The following HYCC2 variants were observed in gnomAD, a reference collection of about 807,000 sequenced individuals.
HYCC2 encodes the protein hyccin 2.
chr2:201,053,106 ACTAT>A, the HYCC2 span, among the ~76,000 whole-genome samples: 2 of 152,072 alleles, frequency 1.3e-5, no homozygotes, highest in African/African-American at 4.8e-5. Context: ...CAGATCCAGT[ACTAT>A]CTATTAAATC....
the HYCC2 span, among the ~76,000 whole-genome samples, chr2:201,048,992 G>A: frequency 5.9e-5 from 9 of 151,886 alleles, no homozygotes; most frequent in Non-Finnish European, 1.3e-4. Flanking sequence ...ACCAGGGTGT[G>A]GTGGTGTGTG....
chr2:201,063,032 T>C, the HYCC2 span: 4 of 1,595,294 alleles, frequency 2.5e-6, no homozygotes, highest in Non-Finnish European at 3.4e-6. Flanking sequence ...TCTTCTCCTT[T>C]CTGCCCGTGG....
At chr2:201,042,453 C>A in the HYCC2 span, among the ~76,000 whole-genome samples, 8 of 151,710 alleles carry the variant, frequency 5.3e-5, no homozygotes, top group Non-Finnish European at 1.0e-4. Flanking sequence ...TGCCCCACCG[C>A]CCCGTCTGAG....
At chr2:201,052,900 G>A in the HYCC2 span, among the ~76,000 whole-genome samples, 2 of 152,156 alleles carry the variant, frequency 1.3e-5, no homozygotes, top group African/African-American at 4.8e-5. Context: ...AACGAAAACT[G>A]ATCAGCACAC....
chr2:201,063,796 A>G, the HYCC2 span: 3 of 1,591,016 alleles, frequency 1.9e-6, no homozygotes, highest in South Asian at 3.3e-5. Flanking sequence ...GTGGTGGTGG[A>G]TATGATGGCA....
chr2:201,044,694 C>T, the HYCC2 span, among the ~76,000 whole-genome samples: 3 of 152,146 alleles, frequency 2.0e-5, no homozygotes, highest in African/African-American at 7.2e-5. Flanking sequence ...CATAAGTCTT[C>T]AATGGATGCT....
chr2:201,052,638 C>T, the HYCC2 span, among the ~76,000 whole-genome samples: 1 of 152,070 alleles, frequency 6.6e-6, no homozygotes, highest in Admixed American at 6.6e-5. Context: ...AAAGAAAGTA[C>T]ATGAAACACA....
the HYCC2 span, chr2:200,993,024 A>C: frequency 2.1e-6 from 3 of 1,421,914 alleles, no homozygotes; most frequent in East Asian, 6.8e-5. Context: ...ACACTATTTA[A>C]CATGTGATTT....
the HYCC2 span, among the ~76,000 whole-genome samples, chr2:201,051,911 A>G: frequency 6.6e-6 from 1 of 152,190 alleles, no homozygotes; most frequent in African/African-American, 2.4e-5. Flanking sequence ...GCCTAATACT[A>G]AGGAAGGAGA....
chr2:201,024,595 T>C, the HYCC2 span, among the ~76,000 whole-genome samples: 2 of 152,342 alleles, frequency 1.3e-5, no homozygotes, highest in African/African-American at 4.8e-5. Flanking sequence ...CAAAGACAAG[T>C]GTCCTGAGTA....
the HYCC2 span, among the ~76,000 whole-genome samples, chr2:201,032,073 G>A: frequency 3.3e-5 from 5 of 151,970 alleles, no homozygotes; most frequent in East Asian, 3.9e-4. Flanking sequence ...CAATTCTCCC[G>A]CCTCAGCCTC....
At chr2:201,065,840 G>A in the HYCC2 span, among the ~76,000 whole-genome samples, 1 of 152,136 alleles carries the variant, frequency 6.6e-6, no homozygotes, top group Non-Finnish European at 1.5e-5. Context: ...TAAAGGGAAA[G>A]CTCTGGATTA....
At chr2:200,977,285 G>C in the HYCC2 span, 2 of 152,258 alleles carry the variant, frequency 1.3e-5, no homozygotes, top group East Asian at 3.9e-4. Flanking sequence ...AAACCCATGG[G>C]AGACTGGGTT....
the HYCC2 span, chr2:200,992,870 A>G: frequency 1.4e-6 from 2 of 1,414,576 alleles, no homozygotes; most frequent in Non-Finnish European, 2.0e-6. Flanking sequence ...ATACAATTTT[A>G]TATTCCACCT....
chr2:200,980,995 C>T, the HYCC2 span: 9 of 471,394 alleles, frequency 1.9e-5, no homozygotes, highest in Admixed American at 2.1e-4. Flanking sequence ...ATGGATTGCA[C>T]ATCACCCAAG....
chr2:201,006,111 C>A, the HYCC2 span, among the ~76,000 whole-genome samples: 5 of 149,316 alleles, frequency 3.3e-5, no homozygotes, highest in South Asian at 4.2e-4. Context: ...AGATTACAGG[C>A]GTGAGCTATC....
chr2:200,986,247 G>T, the HYCC2 span, among the ~76,000 whole-genome samples: 1 of 152,182 alleles, frequency 6.6e-6, no homozygotes, highest in African/African-American at 2.4e-5. Flanking sequence ...TGGGTAAATG[G>T]GCAAGGGAAC....
the HYCC2 span, among the ~76,000 whole-genome samples, chr2:201,024,864 C>A: frequency 1.3e-5 from 2 of 152,058 alleles, no homozygotes; most frequent in African/African-American, 4.8e-5. Flanking sequence ...GCCTGCAATC[C>A]CAGCACTTTG....
the HYCC2 span, chr2:201,066,844 G>A: frequency 1.3e-5 from 2 of 154,346 alleles, no homozygotes; most frequent in African/African-American, 2.4e-5. Flanking sequence ...AAGAAGATCC[G>A]CAAGTCACCC....
Sources: allele counts gnomAD v4.1 joint callset (sites outside exome capture counted in the v4.1 genomes callset), GRCh38; gene constraint gnomAD v4.1.1; transcripts MANE v1.5; gene names NCBI Gene and HGNC (gene_info 2026-07-23, HGNC 2026-07-21).